ABCE1: variants seen among roughly 807,000 people sequenced by gnomAD.
The protein encoded by ABCE1 is ATP binding cassette subfamily E member 1.
A neutral mutation model predicts 83.4 loss-of-function variants in ABCE1; 22 were observed. The observed-to-expected ratio is 0.26, with a 90% CI of 0.19 to 0.38. The LOEUF (loss-of-function observed/expected upper bound fraction) is 0.38, where lower values mean the gene tolerates loss of function less well. Ranked by LOEUF, ABCE1 falls within the 10% of genes least tolerant of loss-of-function variation. The probability of loss-of-function intolerance (pLI) is 1.00; values close to 1 mark genes in which losing one functional copy is unlikely to be tolerated. For synonymous variants in ABCE1, 204 were observed against 233.7 expected, an observed-to-expected ratio of 0.87 and a Z score of 1.16; for missense variants, 330 against 721.9, an observed-to-expected ratio of 0.46 and a Z score of 6.22.
At chr4:145,118,310 A>C (rs540763229) in intron 10 of ABCE1, among the ~76,000 whole-genome samples, 75 of 151,096 alleles carry the variant, frequency 5.0e-4, no homozygotes, top group African/African-American at 1.8e-3. Context: ...CTCTTTTGGA[A>C]AAATAAATTT....
chr4:145,123,753 G>A, intron 16 of ABCE1, 153 bp downstream of exon 16: 1 of 681,504 alleles, frequency 1.5e-6, no homozygotes, highest in Non-Finnish European at 2.3e-6. Context: ...GACTGGATGG[G>A]ACCATGTGGA....
At chr4:145,104,815 C>T (rs1188467133) in intron 2 of ABCE1, among the ~76,000 whole-genome samples, 1 of 151,090 alleles carries the variant, frequency 6.6e-6, no homozygotes, top group Non-Finnish European at 1.5e-5. Flanking sequence ...CTTATAATTA[C>T]TTTAATATTA....
At chr4:145,123,655 T>C (rs920095248) in intron 16 of ABCE1, 55 bp downstream of exon 16, 6 of 1,487,398 alleles carry the variant, frequency 4.0e-6, no homozygotes, top group Non-Finnish European at 5.5e-6. Flanking sequence ...TTCCAGTAAA[T>C]AGTAAAGTCA....
At chr4:145,119,589 A>T (rs551349058) in intron 10 of ABCE1, among the ~76,000 whole-genome samples, 1 of 152,048 alleles carries the variant, frequency 6.6e-6, no homozygotes, top group African/African-American at 2.4e-5. Context: ...TCAATATTAC[A>T]TCAATCTGAA....
At chr4:145,106,064 A>G (rs1305359797) in intron 3 of ABCE1, among the ~76,000 whole-genome samples, 1 of 151,688 alleles carries the variant, frequency 6.6e-6, no homozygotes. Context: ...AATTTAACAT[A>G]ATTCTTCTAC....
At chr4:145,108,523 A>T (rs988678591) in intron 4 of ABCE1, among the ~76,000 whole-genome samples, 1 of 152,182 alleles carries the variant, frequency 6.6e-6, no homozygotes, top group Non-Finnish European at 1.5e-5. Flanking sequence ...AGAGAATATC[A>T]CTTTGAATTT....
chr4:145,103,906 C>T (rs1180072541), intron 1 of ABCE1, among the ~76,000 whole-genome samples: 2 of 151,726 alleles, frequency 1.3e-5, no homozygotes, highest in Non-Finnish European at 1.5e-5. Context: ...GGACCGCAGG[C>T]GCACACCACC....
At chr4:145,112,928 T>A (rs1749520078) in intron 9 of ABCE1, among the ~76,000 whole-genome samples, 1 of 152,226 alleles carries the variant, frequency 6.6e-6, no homozygotes, top group South Asian at 2.1e-4. Flanking sequence ...ATTTACTGTA[T>A]GACAAAGCTG....
chr4:145,104,657 G>C, intron 2 of ABCE1, 142 bp downstream of exon 2: 1 of 536,746 alleles, frequency 1.9e-6, no homozygotes, highest in Non-Finnish European at 2.9e-6. Flanking sequence ...AAAGTAGTTT[G>C]TTCTAAATTT....
chr4:145,126,307 T>G (rs1173419745), intron 17 of ABCE1, among the ~76,000 whole-genome samples: 1 of 152,078 alleles, frequency 6.6e-6, no homozygotes, highest in Non-Finnish European at 1.5e-5. Flanking sequence ...AGTTGTTTGT[T>G]TTTTTGAGGC....
chr4:145,127,444 A>T (rs1396087542), intron 17 of ABCE1, 82 bp from the exon 18 acceptor site: 2 of 1,238,524 alleles, frequency 1.6e-6, no homozygotes, highest in African/African-American at 3.1e-5. Context: ...AGCACAGCTA[A>T]GTAATACCAT....
chr4:145,111,348 G>A (rs1749468074), intron 8 of ABCE1, among the ~76,000 whole-genome samples: 1 of 152,064 alleles, frequency 6.6e-6, no homozygotes, highest in South Asian at 2.1e-4. Context: ...TTTTGAGACG[G>A]AGTCTCGCTG....
intron 9 of ABCE1, among the ~76,000 whole-genome samples, chr4:145,112,909 A>G (rs1192377435): frequency 1.3e-5 from 2 of 152,158 alleles, no homozygotes; most frequent in Non-Finnish European, 2.9e-5. Flanking sequence ...TGTTTGTTCT[A>G]GGTTACAAAT....
chr4:145,121,694 A>G (rs1166622145), intron 13 of ABCE1: 14 of 244,892 alleles, frequency 5.7e-5, no homozygotes, highest in Non-Finnish European at 9.6e-5. Context: ...TAACATGGTG[A>G]AACCCTGTCT....
Position 145,127,552 on chromosome 4 carries a change from C to T in ABCE1, c.1779C>T (p.Asn593=). 6.3e-7 allele frequency: 1 copy of T among 1,576,598 alleles called. No homozygotes were observed. ...ATGTAGAACAAAAGAAGAGTGGAAA[C>T]TACTTTTTCTTGGATGATTAGACTG... ...IKDVEQKKSG[N]YFFLDD Residue 593 remains asparagine, a synonymous_variant, in exon 18 of 18, where the codon AAC becomes AAT. Transcript: ENST00000296577.
At chr4:145,103,178 A>G (rs187394511) in intron 1 of ABCE1, among the ~76,000 whole-genome samples, 17 of 152,316 alleles carry the variant, frequency 1.1e-4, no homozygotes, top group African/African-American at 3.8e-4. Context: ...TCTTATCCCC[A>G]TCCAAGCCTA....
Position 145,117,317 on chromosome 4 carries a change from T to C in ABCE1, c.825T>C (p.Asp275=). ...GATATATCATTGTGGTGGAACATGA[T>C]CTAAGTGTATTAGACTATCTCTCCG... ...PDRYIIVVEH[D]LSVLDYLSDF... Residue 275 remains aspartate (D), a synonymous_variant, in exon 10 of 18, where the codon GAT becomes GAC. Coordinates refer to ENST00000296577, the MANE Select transcript of ABCE1 (RefSeq NM_002940.3). 1 of 1,608,414 alleles carries C rather than the reference T, an allele frequency of 6.2e-7. No homozygotes were observed. The highest frequency in any genetic ancestry group is 8.5e-7 in the Non-Finnish European group (1 of 1,177,238).
rs1579223060 is a variant in ABCE1, at chr4:145,123,036, T to C, written c.1279T>C (p.Leu427=). ...TTAAAAACAGGGAAGTGTTCGCCAG[T>C]TACTACATGAAAAGATAAGAGATGC... ...SPKSTGSVRQ[L]LHEKIRDAYT... is the part of the protein sequence containing the mutation. Residue 427 remains leucine (L), a synonymous_variant, in exon 14 of 18, where the codon TTA becomes CTA. Coordinates refer to ENST00000296577, the MANE Select transcript of ABCE1 (RefSeq NM_002940.3). 1.9e-6 allele frequency: 3 copies of C among 1,587,168 alleles called. No individual in the cohort carries two copies. Among genetic ancestry groups the C allele is most frequent in the Non-Finnish European group, 2.6e-6 (3 of 1,169,584 alleles).
intron 4 of ABCE1, among the ~76,000 whole-genome samples, chr4:145,108,443 C>G (rs989740580): frequency 2.6e-5 from 4 of 152,092 alleles, no homozygotes; most frequent in African/African-American, 9.7e-5. Context: ...TTCCTAGTAC[C>G]CTTATCCCCA....
Sources: allele counts gnomAD v4.1 joint callset (sites outside exome capture counted in the v4.1 genomes callset), GRCh38; gene constraint gnomAD v4.1.1; transcripts MANE v1.5; gene names NCBI Gene and HGNC (gene_info 2026-07-23, HGNC 2026-07-21).